Variants in C5 observed in about 807,000 individuals in gnomAD.
The protein encoded by C5 is C3 and PZP-like alpha-2-macroglobulin domain-containing protein 4.
Under a neutral mutation model 218.8 loss-of-function variants are expected in C5, and 140 were observed. The ratio of observed to expected loss-of-function variants is 0.64; its 90% CI spans 0.56 to 0.74. The LOEUF (loss-of-function observed/expected upper bound fraction) is 0.74. Among genes scored for constraint, C5 ranks in the 30% least tolerant of loss-of-function variants. The pLI is 0.00. For missense variants in C5, 1,700 were observed against 1,969.6 expected, an observed-to-expected ratio of 0.86 and a Z score of 2.59; for synonymous variants, 614 against 682.3, an observed-to-expected ratio of 0.90 and a Z score of 1.56.
intron 20 of C5, among the ~76,000 whole-genome samples, chr9:121,001,169 C>T (rs1363295399): frequency 1.3e-5 from 2 of 152,130 alleles, no homozygotes; most frequent in East Asian, 3.8e-4. Context: ...TTGTTGAGTA[C>T]TCACTATGGG....
chr9:121,025,694 T>A, intron 8 of C5, 114 bp from the exon 9 acceptor site: 1 of 1,021,752 alleles, frequency 9.8e-7, no homozygotes, highest in Non-Finnish European at 1.5e-6. Flanking sequence ...GAAGAATGGT[T>A]TAGTGTCAAA....
chr9:120,961,091 A>G (rs1353230688), intron 37 of C5, among the ~76,000 whole-genome samples: 1 of 152,230 alleles, frequency 6.6e-6, no homozygotes, highest in Non-Finnish European at 1.5e-5. Context: ...AGGAAAGACT[A>G]AATGGAACTG....
chr9:121,019,983 T>G lies in C5; in HGVS notation c.1499A>C (p.Asn500Thr). 6.3e-7 allele frequency: 1 copy of G among 1,577,774 alleles called. No individual in the cohort carries two copies. The highest frequency in any genetic ancestry group is 1.4e-5 in the African/African-American group (1 of 74,014). Residue 500 changes from asparagine (N) to threonine (T), a missense_variant, in exon 12 of 41, where the codon AAT becomes ACT. Transcript: ENST00000223642. ...SPYIDKITHY[N>T]YLILSKGKII... ...CCATCATTATGTACTTACCAAGTAA[T>G]TATAGTGAGTTATTTTGTCAATATA...
Position 120,962,803 on chromosome 9 carries a change from G to A in C5, c.4399-27C>T, listed in dbSNP as rs904070902. 6 of 1,602,068 alleles carry A rather than the reference G, an allele frequency of 3.7e-6. No homozygotes were observed. The African/African-American group carries it at 8.0e-5, about 21-fold the overall frequency. On this transcript the variant is annotated intron_variant, in intron 35 of 40. Coordinates refer to ENST00000223642, the MANE Select transcript of C5 (RefSeq NM_001735.3). ...TGTTTAACAAATTCAAGGATTTAAGGAAATTATGGAGAGATGATATTTATA... is the reference window on the plus strand; with the variant it reads ...TGTTTAACAAATTCAAGGATTTAAGAAAATTATGGAGAGATGATATTTATA...
chr9:120,982,197 A>C (rs909699269), intron 26 of C5, among the ~76,000 whole-genome samples: 3 of 152,196 alleles, frequency 2.0e-5, no homozygotes, highest in African/African-American at 7.2e-5. Flanking sequence ...TTTTTAGTAG[A>C]GACGGGGTTT....
Position 121,006,471 on chromosome 9 carries a change from T to C in C5, c.2423-413A>G, listed in dbSNP as rs563632435. ...GGAAAGCATCTGCACTTAATCATCA[T>C]AAAGATCAGCCCAAGAGAGTTCATT... On this transcript the variant is annotated intron_variant, in intron 19 of 40. Coordinates refer to ENST00000223642, the MANE Select transcript of C5 (RefSeq NM_001735.3). Among the ~76,000 whole-genome samples, 8 of 152,266 alleles carry C rather than the reference T, an allele frequency of 5.3e-5. No individual in the cohort carries two copies. The South Asian group carries it at 1.7e-3, about 32-fold the overall frequency.
intron 29 of C5, among the ~76,000 whole-genome samples, chr9:120,975,541 T>A (rs532639048): frequency 2.0e-5 from 3 of 152,204 alleles, no homozygotes; most frequent in South Asian, 4.2e-4. Flanking sequence ...TGGGAGGTGT[T>A]TGGGTCATGG....
chr9:121,074,011 G>C, the C5 span, among the ~76,000 whole-genome samples: 2 of 152,144 alleles, frequency 1.3e-5, no homozygotes, highest in Non-Finnish European at 2.9e-5. Flanking sequence ...GTAAGAACAA[G>C]GGACTGGAAG....
chr9:121,017,300 C>A (rs2131760824), intron 14 of C5, 62 bp downstream of exon 14: 1 of 1,593,962 alleles, frequency 6.3e-7, no homozygotes, highest in South Asian at 1.1e-5. Context: ...AGTTCTTCCT[C>A]CATATCCTAG....
chr9:121,050,133 C>A lies in C5; in HGVS notation c.65+49G>T, dbSNP rs371724675. On this transcript the variant is annotated intron_variant, in intron 1 of 40. Coordinates refer to ENST00000223642, the MANE Select transcript of C5 (RefSeq NM_001735.3). Reference sequence around the variant, plus strand: ...AATCTGTTAAATTTAACTCTTCATTCGTCATAACTAAGATGCATTGAAAAA... The same window carrying A: ...AATCTGTTAAATTTAACTCTTCATTAGTCATAACTAAGATGCATTGAAAAA... The A allele has an allele frequency of 7.2e-6, 10 of 1,387,996 alleles. No individual in the cohort carries two copies. The African/African-American group carries it at 1.3e-4, about 18-fold the overall frequency. The allele number at this position is 1,387,996 out of a possible 1,614,324, so 86.0% of individuals were successfully genotyped here.
intron 33 of C5, among the ~76,000 whole-genome samples, chr9:120,966,337 T>C (rs962099781): frequency 7.2e-5 from 11 of 152,230 alleles, no homozygotes; most frequent in African/African-American, 2.7e-4. Flanking sequence ...ATAACAGCTT[T>C]TTTCTGTACG....
chr9:120,974,642 C>A, intron 30 of C5, 137 bp downstream of exon 30: 1 of 817,288 alleles, frequency 1.2e-6, no homozygotes, highest in South Asian at 1.4e-5. Context: ...ATATAGCAGG[C>A]ATCCCTGTTT....
At chr9:120,997,356 T>A (rs892881075) in intron 21 of C5, among the ~76,000 whole-genome samples, 191 bp downstream of exon 21, 2 of 152,208 alleles carry the variant, frequency 1.3e-5, no homozygotes, top group East Asian at 1.9e-4. Flanking sequence ...TTATTAAAAA[T>A]TTTTAAGCAC....
intron 33 of C5, among the ~76,000 whole-genome samples, chr9:120,968,587 C>T (rs548427076): frequency 3.3e-5 from 5 of 152,306 alleles, no homozygotes; most frequent in South Asian, 4.1e-4. Flanking sequence ...ATCAGTGGTT[C>T]TCAACCCTGG....
the C5 span, among the ~76,000 whole-genome samples, chr9:121,059,582 G>T: frequency 1.6e-4 from 25 of 152,270 alleles, no homozygotes; most frequent in East Asian, 4.6e-3. This position sits in a 1 kb window ranked among gnomAD's most constrained non-coding sequence, Gnocchi z 4.1. Flanking sequence ...CTCCAAGATG[G>T]CTCCCAGTGG....
the C5 span, among the ~76,000 whole-genome samples, chr9:121,072,643 CT>C: frequency 6.6e-6 from 1 of 151,620 alleles, no homozygotes; most frequent in South Asian, 2.1e-4. Context: ...TCTGTTTCTA[CT>C]AAAATACAAA....
chr9:121,074,665 G>T, the C5 span: 1 of 376,294 alleles, frequency 2.7e-6, no homozygotes, highest in South Asian at 1.9e-5. Flanking sequence ...GGGTGGCGGC[G>T]GCAGCTTTGT....
intron 25 of C5, among the ~76,000 whole-genome samples, chr9:120,988,600 G>A (rs895456303): frequency 6.6e-6 from 1 of 152,164 alleles, no homozygotes; most frequent in Admixed American, 6.5e-5. Context: ...ACATGAGGTG[G>A]AGCCAGATCA....
chr9:121,013,309 A>T (rs935669736), intron 17 of C5, among the ~76,000 whole-genome samples: 7 of 136,368 alleles, frequency 5.1e-5, no homozygotes, highest in African/African-American at 2.1e-4. Flanking sequence ...ACAGAGCCAG[A>T]TTCCTACTGA....
Sources: gnomAD v4.1 joint callset for allele counts (sites outside exome capture counted in the v4.1 genomes callset) on GRCh38, gnomAD v4.1.1 for gene constraint, Gnocchi (gnomAD v3.1) non-coding constraint, MANE v1.5 for transcripts, NCBI Gene and HGNC (gene_info 2026-07-23, HGNC 2026-07-21) for gene names.